The following ERP44 variants were observed in gnomAD, a reference collection of about 807,000 sequenced individuals.
The protein encoded by ERP44 is endoplasmic reticulum protein 44.
In ERP44, 25 loss-of-function variants were observed where a neutral mutation model predicts 53.4. That is an observed-to-expected ratio of 0.47 (90% CI 0.34 to 0.65). ERP44 has a LOEUF of 0.65. ERP44 is among the 30% of genes least tolerant of loss of function. The pLI is 0.01. For missense variants in ERP44, 338 were observed against 493.2 expected, an observed-to-expected ratio of 0.69 and a Z score of 2.98; for synonymous variants, 145 against 161.2, an observed-to-expected ratio of 0.90 and a Z score of 0.76.
chr9:100,022,624 G>A (rs1179932951), intron 4 of ERP44, among the ~76,000 whole-genome samples: 1 of 152,132 alleles, frequency 6.6e-6, no homozygotes, highest in Non-Finnish European at 1.5e-5. Flanking sequence ...ATGCCTTATG[G>A]GGTTCGACAG....
intron 10 of ERP44, among the ~76,000 whole-genome samples, chr9:99,997,162 C>CA (rs1830320127): frequency 6.6e-6 from 1 of 152,176 alleles, no homozygotes; most frequent in Non-Finnish European, 1.5e-5. Context: ...GGTAGATACC[C>CA]AGTAGCGGGA....
chr9:100,021,991 T>G, intron 5 of ERP44, 51 bp downstream of exon 5: 1 of 1,515,310 alleles, frequency 6.6e-7, no homozygotes, highest in Non-Finnish European at 9.0e-7. Flanking sequence ...TTAGAATTTG[T>G]TTACATTAAT....
chr9:100,028,754 T>C (rs770977538), intron 4 of ERP44, among the ~76,000 whole-genome samples: 8 of 152,118 alleles, frequency 5.3e-5, no homozygotes, highest in Non-Finnish European at 8.8e-5. Flanking sequence ...AAGAAATTCC[T>C]AGAGAGAGTA....
chr9:100,026,882 T>C lies in ERP44; in HGVS notation c.287-4656A>G, dbSNP rs1830659032. Among the ~76,000 whole-genome samples the C allele has an allele frequency of 2.0e-5, 3 of 152,176 alleles. No individual in the cohort carries two copies. In the South Asian group the frequency reaches 6.2e-4, roughly 31 times the overall value. On this transcript the variant is annotated intron_variant, in intron 4 of 11. Transcript: ENST00000262455. ...AAACTAGTCTAATACAAAACATATA[T>C]TTTCCACCTGTGTCCTAAGTATCAG... is the stretch of plus-strand genomic sequence containing the variant.
At chr9:100,094,117 T>C (rs190814130) in intron 1 of ERP44, among the ~76,000 whole-genome samples, 39 of 152,264 alleles carry the variant, frequency 2.6e-4, no homozygotes, top group Non-Finnish European at 1.3e-4. Context: ...AAAAGAATGG[T>C]AACAACAGTG....
At chr9:100,074,048 A>T (rs1826332330) in intron 1 of ERP44, among the ~76,000 whole-genome samples, 1 of 152,224 alleles carries the variant, frequency 6.6e-6, no homozygotes, top group Admixed American at 6.5e-5. Flanking sequence ...ACTGCTCAAA[A>T]TATTTTGGAG....
In ERP44 at chr9:100,007,701, A is replaced by T; in HGVS notation, c.763-12T>A. On this transcript the variant is annotated splice_polypyrimidine_tract_variant and intron_variant, in intron 8 of 11. Transcript: ENST00000262455. ...TCTTCTGTCAATTCCTGTAGAGAGA[A>T]GCATTCAATGAGAATTATCAGGCTT... is the stretch of plus-strand genomic sequence containing the variant. 1 of 1,325,696 alleles carries T rather than the reference A, an allele frequency of 7.5e-7. No individual in the cohort carries two copies. The highest frequency in any genetic ancestry group is 1.1e-6 in the Non-Finnish European group (1 of 917,262). The allele number at this position is 1,325,696 out of a possible 1,614,324, so 82.1% of individuals were successfully genotyped here.
Position 100,042,418 on chromosome 9 carries a change from C to T in ERP44, c.286+9999G>A, listed in dbSNP as rs189262261. The stretch of plus-strand genomic sequence containing the variant: ...CAAAAGACAGGCAATCAAATGCTGA[C>T]GAGTATAAGGTGAAAAGAGAACCCT... On this transcript the variant is annotated intron_variant, in intron 4 of 11. Transcript: ENST00000262455. Among the ~76,000 whole-genome samples the T allele has an allele frequency of 9.1e-4, 138 of 152,102 alleles. 1 individual carries two copies. The Middle Eastern group carries it at 0.014, about 15-fold the overall frequency.
chr9:100,018,293 C>A lies in ERP44; in HGVS notation c.608G>T (p.Arg203Ile). Reference protein sequence around the residue: ...SAFGDVSKPERYSGDNIIYKP... With the variant: ...SAFGDVSKPEIYSGDNIIYKP... ...GTAGATTATGTTGTCGCCACTATAT[C>A]TTTCCGGTTTTGAAACATCCCTATA... is the stretch of plus-strand genomic sequence containing the variant. The change falls in exon 7 of 12, where the codon AGA becomes ATA. Residue 203 changes from arginine (R) to isoleucine (I), a missense_variant. Physicochemically the swap from Arg to Ile is moderately conservative, Grantham distance 97. Transcript: ENST00000262455. 5 of 1,607,874 alleles carry A rather than the reference C, an allele frequency of 3.1e-6. No homozygotes were observed. The highest frequency in any genetic ancestry group is 4.3e-6 in the Non-Finnish European group (5 of 1,174,500).
Position 100,076,646 on chromosome 9 carries a change from A to G in ERP44, c.58-16474T>C, listed in dbSNP as rs371140635. On this transcript the variant is annotated intron_variant, in intron 1 of 11. Coordinates refer to ENST00000262455, the MANE Select transcript of ERP44 (RefSeq NM_015051.3). Reference sequence around the variant, plus strand: ...TATACTGATTCATGGGCTGTAGCCAATGGGGATGGTCAGTGACTTGGAAAA... The same window carrying G: ...TATACTGATTCATGGGCTGTAGCCAGTGGGGATGGTCAGTGACTTGGAAAA... 5.3e-5 allele frequency among the ~76,000 whole-genome samples: 8 copies of G among 152,346 alleles called. No individual in the cohort carries two copies. In the East Asian group the frequency reaches 1.3e-3, roughly 26 times the overall value.
intron 4 of ERP44, among the ~76,000 whole-genome samples, chr9:100,042,949 T>G (rs1414583445): frequency 6.6e-6 from 1 of 151,678 alleles, no homozygotes; most frequent in African/African-American, 2.4e-5. Flanking sequence ...GGTGAATGGG[T>G]ACAAAAAAGT....
intron 1 of ERP44, among the ~76,000 whole-genome samples, chr9:100,068,239 G>A (rs1237319976): frequency 3.5e-5 from 5 of 143,468 alleles, no homozygotes; most frequent in Admixed American, 6.9e-5. Context: ...CAGCCGCCCC[G>A]TACGGAAGGT....
chr9:100,009,404 G>A (rs184794342), intron 8 of ERP44, among the ~76,000 whole-genome samples: 10 of 152,210 alleles, frequency 6.6e-5, no homozygotes, highest in East Asian at 1.9e-4. Flanking sequence ...GAGCCACTGC[G>A]CCCAGCCCCA....
chr9:100,055,149 G>A (rs1003228900), intron 3 of ERP44, among the ~76,000 whole-genome samples: 1 of 152,042 alleles, frequency 6.6e-6, no homozygotes, highest in African/African-American at 2.4e-5. Flanking sequence ...TACCTACAGA[G>A]TAGTTCTGAG....
At chr9:100,032,030 G>C (rs1044057117) in intron 4 of ERP44, among the ~76,000 whole-genome samples, 1 of 152,190 alleles carries the variant, frequency 6.6e-6, no homozygotes, top group African/African-American at 2.4e-5. Context: ...GATTAGAGAA[G>C]CATGCTCTTG....
chr9:100,092,024 T>A (rs1445298526), intron 1 of ERP44, among the ~76,000 whole-genome samples: 1 of 152,238 alleles, frequency 6.6e-6, no homozygotes, highest in African/African-American at 2.4e-5. Flanking sequence ...ATGATATGCA[T>A]CTCAATGATC....
chr9:100,046,318 G>GAAC (rs150189731), intron 4 of ERP44, among the ~76,000 whole-genome samples: 2,384 of 151,972 alleles, frequency 0.016, 55 homozygotes, highest in African/African-American at 0.054. Flanking sequence ...TGATACTCTA[G>GAAC]AACAACAACA....
chr9:100,096,445 AGT>A (rs1451514108), intron 1 of ERP44, among the ~76,000 whole-genome samples: 1 of 151,996 alleles, frequency 6.6e-6, no homozygotes, highest in Non-Finnish European at 1.5e-5. Flanking sequence ...CAGGAAAAAA[AGT>A]TATCACATTG....
At chr9:100,038,110 G>A (rs1021149245) in intron 4 of ERP44, among the ~76,000 whole-genome samples, 3 of 152,100 alleles carry the variant, frequency 2.0e-5, no homozygotes, top group Admixed American at 6.5e-5. Flanking sequence ...AAACGTTAAC[G>A]TGAGTATATT....
Sources: allele counts gnomAD v4.1 joint callset (sites outside exome capture counted in the v4.1 genomes callset), GRCh38; gene constraint gnomAD v4.1.1; transcripts MANE v1.5; gene names NCBI Gene and HGNC (gene_info 2026-07-23, HGNC 2026-07-21).